The following CFAP47 variants were observed in gnomAD, a reference collection of about 807,000 sequenced individuals.
CFAP47 encodes cilia- and flagella-associated protein 47.
CFAP47 carries 29 observed loss-of-function variants against 148.1 expected under a neutral mutation model. The ratio of observed to expected loss-of-function variants is 0.20; its 90% confidence interval spans 0.15 to 0.27. CFAP47 has a LOEUF of 0.27. Among genes scored for constraint, CFAP47 ranks in the 10% least tolerant of loss-of-function variants. The pLI is 1.00. For missense variants in CFAP47, 1,872 were observed against 1,697.5 expected (o/e 1.10, Z -1.81); for synonymous variants, 664 against 577.3 (o/e 1.15, Z -2.15).
intron 25 of CFAP47, among the ~76,000 whole-genome samples, chrX:36,044,474 C>A (rs999456340): frequency 8.9e-6 from 1 of 112,597 alleles, no homozygotes; most frequent in African/African-American, 3.2e-5. Context: ...AACTTGAATG[C>A]TTTGCTGCTT....
chrX:36,185,158 G>T (rs1358675462), intron 40 of CFAP47, among the ~76,000 whole-genome samples: 5 of 110,719 alleles, frequency 4.5e-5, no homozygotes, highest in Non-Finnish European at 9.5e-5. Context: ...GCACTGGCAG[G>T]TTCGGTGTCT....
chrX:35,962,780 TA>T (rs1936348452), intron 8 of CFAP47, among the ~76,000 whole-genome samples: 1 of 111,117 alleles, frequency 9.0e-6, no homozygotes, highest in Non-Finnish European at 1.9e-5. Context: ...CTGCACAATT[TA>T]ATCCATTTAT....
In CFAP47 at chrX:36,085,301, C is replaced by T. The variant is rs372487418; in HGVS notation, c.4692-13C>T. On this transcript the variant is annotated splice_polypyrimidine_tract_variant and intron_variant, in intron 29 of 63. Coordinates refer to ENST00000378653, the MANE Select transcript of CFAP47 (RefSeq NM_001304548.2). ...TTTGAGACTGTTTTTAATTTTAAGT[C>T]TTTTTCTCATAGGGATGTATATAAA... 29 of 1,088,489 alleles carry T rather than the reference C, an allele frequency of 2.7e-5. No individual in the cohort carries two copies. The highest frequency in any genetic ancestry group is 2.6e-4 in the African/African-American group (14 of 53,888). 89.7% of individuals were successfully genotyped at this position (1,088,489 alleles called of 1,213,427 possible).
In CFAP47 at chrX:36,361,441, T is replaced by C. The variant is rs1362469702; in HGVS notation, c.8963T>C (p.Ile2988Thr). ...TATATGATTGAAAAATCTTATGATA[T>C]TATGGCTAAAAGGATAACATTTATC... Reference protein sequence around the residue: ...ALYMIEKSYDIMAKRITFIFN... With the variant: ...ALYMIEKSYDTMAKRITFIFN... The change falls in exon 61 of 64, where the codon ATT becomes ACT. Residue 2988 changes from isoleucine to threonine, a missense_variant. Physicochemically the swap from Ile to Thr is moderately conservative, Grantham distance 89. Coordinates refer to ENST00000378653, the MANE Select transcript of CFAP47 (RefSeq NM_001304548.2). 9.1e-7 allele frequency: 1 copy of C among 1,095,494 alleles called. No homozygotes were observed. Among genetic ancestry groups the C allele is most frequent in the Non-Finnish European group, 1.2e-6 (1 of 813,404 alleles). The allele number at this position is 1,095,494 out of a possible 1,213,427, so 90.3% of individuals were successfully genotyped here. A position where few individuals can be genotyped will look rare whatever the true frequency, so the allele number is the denominator to read the frequency against.
chrX:36,365,594 G>A (rs782721069), intron 61 of CFAP47: 1 of 110,514 alleles, frequency 9.0e-6, no homozygotes, highest in African/African-American at 3.3e-5. Flanking sequence ...ATGAAGACTA[G>A]TACCCAATAG....
Position 35,971,646 on chromosome X carries a change from G to A in CFAP47, c.2031G>A (p.Lys677=), listed in dbSNP as rs752030159. ...DIGLEPGSGL[K]SPSLSEAEIE... is the part of the protein sequence containing the mutation. Reference sequence around the variant, plus strand: ...GCTTAGAGCCAGGATCAGGTCTAAAGTCACCCTCACTCTCAGAAGCGGAAA... The same window carrying A: ...GCTTAGAGCCAGGATCAGGTCTAAAATCACCCTCACTCTCAGAAGCGGAAA... Residue 677 remains lysine, a synonymous_variant, in exon 12 of 64, where the codon AAG becomes AAA. Transcript: ENST00000378653. 1 of 1,205,451 alleles carries A rather than the reference G, an allele frequency of 8.3e-7. No homozygotes were observed. Among genetic ancestry groups the A allele is most frequent in the Admixed American group, 2.2e-5 (1 of 45,907 alleles).
chrX:36,292,650 A>G (rs1172638241), intron 51 of CFAP47, among the ~76,000 whole-genome samples: 1 of 111,796 alleles, frequency 8.9e-6, no homozygotes, highest in Non-Finnish European at 1.9e-5. Context: ...CTGACCAAGC[A>G]GGAAATGATG....
intron 57 of CFAP47, among the ~76,000 whole-genome samples, chrX:36,320,576 C>T (rs1021918261): frequency 2.7e-5 from 3 of 111,724 alleles, no homozygotes; most frequent in Admixed American, 9.5e-5. Context: ...TTTTGTGTTT[C>T]AAAATTTTTC....
At chrX:35,985,731 C>G (rs1210051152) in intron 15 of CFAP47, among the ~76,000 whole-genome samples, 3 of 111,425 alleles carry the variant, frequency 2.7e-5, no homozygotes, top group Non-Finnish European at 5.7e-5. Context: ...CAAGACAGCC[C>G]TGCTCTGCCC....
Position 36,384,944 on chromosome X carries a change from A to G in CFAP47, c.9502A>G (p.Lys3168Glu). The G allele has an allele frequency of 8.6e-7, 1 of 1,166,818 alleles. No homozygotes were observed. ...RPHNFVRENT[K>E]LIRTGVSSTI... ...ACATAATTTTGTCCGTGAAAATACT[A>G]AACTCATAAGAACAGGGGTGTCTTC... Residue 3168 changes from lysine to glutamate, a missense_variant, in exon 64 of 64, where the codon AAA becomes GAA. Lys to Glu is a moderately conservative substitution (Grantham distance 56, BLOSUM62 1). Transcript: ENST00000378653.
chrX:36,295,518 G>A (rs1275391084), intron 51 of CFAP47, among the ~76,000 whole-genome samples: 1 of 111,733 alleles, frequency 8.9e-6, no homozygotes, highest in Admixed American at 9.5e-5. Context: ...TCTCAAAATG[G>A]TTATGCATTT....
At chrX:35,967,980 A>AT (rs1472643026) in intron 10 of CFAP47, 148 bp downstream of exon 10, 30 of 274,918 alleles carry the variant, frequency 1.1e-4, no homozygotes, top group South Asian at 7.3e-4. Flanking sequence ...TTATCTTTTC[A>AT]TTTTTTTTAC....
chrX:36,152,396 T>C (rs986707286), intron 37 of CFAP47, among the ~76,000 whole-genome samples: 11 of 111,984 alleles, frequency 9.8e-5, no homozygotes. Flanking sequence ...GTTCGTACCC[T>C]TTGATTAGTA....
chrX:36,147,337 G>C (rs11095429), intron 36 of CFAP47, among the ~76,000 whole-genome samples: 11,760 of 111,418 alleles, frequency 0.11, 1,216 homozygotes, highest in African/African-American at 0.32. Flanking sequence ...CCTGGAGTTG[G>C]GTGGTATGAC....
chrX:36,167,093 C>T, intron 39 of CFAP47, among the ~76,000 whole-genome samples: 1 of 111,762 alleles, frequency 8.9e-6, no homozygotes, highest in East Asian at 2.8e-4. Context: ...CTAGCAGTCT[C>T]CTTCACCAGT....
At chrX:36,251,900 A>T (rs1940696906) in intron 49 of CFAP47, among the ~76,000 whole-genome samples, 2 of 111,356 alleles carry the variant, frequency 1.8e-5, no homozygotes, top group African/African-American at 6.5e-5. Flanking sequence ...CCTTGTCTGT[A>T]ATAAAGTATT....
chrX:36,037,433 GC>G (rs1385158045), intron 24 of CFAP47, among the ~76,000 whole-genome samples: 2 of 110,067 alleles, frequency 1.8e-5, no homozygotes, highest in East Asian at 5.7e-4. Context: ...TGCGATCTCA[GC>G]TCACTGCAAC....
intron 23 of CFAP47, among the ~76,000 whole-genome samples, chrX:36,033,132 T>C (rs762091450): frequency 8.9e-6 from 1 of 112,368 alleles, no homozygotes; most frequent in Admixed American, 9.5e-5. Flanking sequence ...TATAACAATA[T>C]ATTTGTGTTT....
chrX:35,993,133 C>T (rs1268592504), intron 17 of CFAP47, 57 bp from the exon 18 acceptor site: 2 of 281,338 alleles, frequency 7.1e-6, no homozygotes, highest in African/African-American at 2.8e-5. Context: ...CCTATGAAAG[C>T]TTTGAAACTA....
Sources: gnomAD v4.1 joint callset for allele counts (sites outside exome capture counted in the v4.1 genomes callset) on GRCh38, gnomAD v4.1.1 for gene constraint, MANE v1.5 for transcripts, NCBI Gene and HGNC (gene_info 2026-07-23, HGNC 2026-07-21) for gene names.